Variants in CTBP2 observed in about 807,000 individuals in gnomAD.
The protein encoded by CTBP2 is C-terminal binding protein 2.
Under a neutral mutation model 80.3 loss-of-function variants are expected in CTBP2, and 30 were observed. The ratio of observed to expected loss-of-function variants is 0.37; its 90% CI spans 0.28 to 0.51. The LOEUF (loss-of-function observed/expected upper bound fraction) is 0.51. Ranked by LOEUF, CTBP2 falls within the 20% of genes least tolerant of loss-of-function variation. The pLI is 0.93. For synonymous variants in CTBP2, 594 were observed against 587.4 expected, an observed-to-expected ratio of 1.01 and a Z score of -0.16; for missense variants, 1,212 against 1,375.3, an observed-to-expected ratio of 0.88 and a Z score of 1.88.
chr10:125,019,702 A>G (rs1345949003), intron 1 of CTBP2, among the ~76,000 whole-genome samples: 1 of 152,254 alleles, frequency 6.6e-6, no homozygotes, highest in African/African-American at 2.4e-5. Flanking sequence ...TAAAACTAAC[A>G]TTCCTGGAGG....
intron 1 of CTBP2, chr10:125,133,709 T>C (rs1304073764): frequency 2.0e-5 from 3 of 152,340 alleles, no homozygotes; most frequent in South Asian, 4.1e-4. Context: ...GTCTAGTCTT[T>C]TGAAATGACT....
intron 1 of CTBP2, among the ~76,000 whole-genome samples, chr10:125,004,337 CG>C (rs1325385838): frequency 6.6e-6 from 1 of 152,252 alleles, no homozygotes; most frequent in Non-Finnish European, 1.5e-5. Flanking sequence ...AGACACCCTG[CG>C]GGGCCCGCCC....
chr10:124,994,673 C>T lies in CTBP2; in HGVS notation c.2196G>A (p.Gly732=). 1 of 1,614,206 alleles carries T rather than the reference C, an allele frequency of 6.2e-7. No homozygotes were observed. The highest frequency in any genetic ancestry group is 1.1e-5 in the South Asian group (1 of 91,086). The change falls in exon 5 of 9, where the codon GGG becomes GGA. Residue 732 remains glycine, a synonymous_variant. Coordinates refer to ENST00000309035, the MANE Select transcript of CTBP2 (RefSeq NM_022802.3). Reference sequence around the variant, plus strand: ...CCTTGGCTCGAACTGCAACCGCCTGCCCCGTGCGACCTGTACAGAAACAGA... The same window carrying T: ...CCTTGGCTCGAACTGCAACCGCCTGTCCCGTGCGACCTGTACAGAAACAGA...
chr10:125,079,611 C>T (rs548583848), intron 2 of CTBP2, among the ~76,000 whole-genome samples: 2 of 152,222 alleles, frequency 1.3e-5, no homozygotes, highest in South Asian at 2.1e-4. Context: ...AAGGGTGGGC[C>T]GAGCACTAGC....
rs534225630 is a variant in CTBP2 at position 125,108,635 on chromosome 10, C to T, written c.-102+2355G>A. Among the ~76,000 whole-genome samples, 9 of 149,940 alleles carry T rather than the reference C, an allele frequency of 6.0e-5. No homozygotes were observed. In the South Asian group the frequency reaches 1.9e-3, roughly 32 times the overall value. On this transcript the variant is annotated intron_variant, in intron 2 of 10. Coordinates refer to the CTBP2 transcript ENST00000337195. ...GAAAGGGTCTGAGAGCAAACACACG[C>T]CTTCTGGGGCCATGTGAGAATTCCA...
At chr10:125,077,491 G>A (rs1590596575) in intron 2 of CTBP2, among the ~76,000 whole-genome samples, 1 of 152,078 alleles carries the variant, frequency 6.6e-6, no homozygotes, top group African/African-American at 2.4e-5. Flanking sequence ...CAAACTCCCC[G>A]GGCTCGCAGA....
At chr10:125,093,125 T>C (rs1192904400) in intron 2 of CTBP2, among the ~76,000 whole-genome samples, 1 of 152,220 alleles carries the variant, frequency 6.6e-6, no homozygotes, top group African/African-American at 2.4e-5. Context: ...TGCTCAAGTA[T>C]CAGAAGCTGT....
intron 3 of CTBP2, 166 bp from the exon 6 acceptor site, chr10:124,998,336 GC>G (rs1953946713): frequency 5.8e-6 from 4 of 693,076 alleles, no homozygotes; most frequent in Non-Finnish European, 9.6e-6. Context: ...AGGCCCTCTG[GC>G]TCTGATGCAT....
intron 2 of CTBP2, among the ~76,000 whole-genome samples, chr10:125,048,046 G>A (rs749784629): frequency 5.3e-5 from 8 of 152,082 alleles, no homozygotes; most frequent in Non-Finnish European, 1.2e-4. Flanking sequence ...GAACCCAACT[G>A]GCCTTCTGAG....
chr10:125,072,455 A>C (rs1258322149), intron 2 of CTBP2, among the ~76,000 whole-genome samples: 2 of 152,018 alleles, frequency 1.3e-5, no homozygotes, highest in Non-Finnish European at 2.9e-5. Flanking sequence ...TCTCTACTAA[A>C]AACAAAAACA....
intron 1 of CTBP2, among the ~76,000 whole-genome samples, chr10:125,117,319 A>C (rs988939958): frequency 6.6e-6 from 1 of 152,142 alleles, no homozygotes; most frequent in Non-Finnish European, 1.5e-5. Flanking sequence ...ATCCCTGAGC[A>C]AACGGCAGTG....
At chr10:125,047,084 A>G (rs1184285961) in intron 2 of CTBP2, among the ~76,000 whole-genome samples, 1 of 152,228 alleles carries the variant, frequency 6.6e-6, no homozygotes, top group African/African-American at 2.4e-5. Context: ...CACACAGTTT[A>G]AAAGAACTTG....
chr10:125,143,543 T>C (rs904625757), intron 1 of CTBP2, among the ~76,000 whole-genome samples: 1 of 152,204 alleles, frequency 6.6e-6, no homozygotes. Flanking sequence ...TGAAACCCTA[T>C]GTCTAAAATA....
intron 2 of CTBP2, among the ~76,000 whole-genome samples, chr10:125,068,013 T>G (rs561751748): frequency 6.6e-6 from 1 of 152,242 alleles, no homozygotes; most frequent in South Asian, 2.1e-4. Flanking sequence ...TGCCCTCTGG[T>G]GCCAAGCAAC....
intron 2 of CTBP2, among the ~76,000 whole-genome samples, chr10:125,068,182 G>C (rs1844935875): frequency 6.6e-6 from 1 of 152,194 alleles, no homozygotes; most frequent in Admixed American, 6.5e-5. Flanking sequence ...AGCTGCACCA[G>C]AGTTCTGCCC....
intron 1 of CTBP2, among the ~76,000 whole-genome samples, chr10:125,115,751 T>A (rs1319087352): frequency 6.6e-6 from 1 of 152,166 alleles, no homozygotes; most frequent in Admixed American, 6.5e-5. Context: ...CATTGATGGT[T>A]AATGGTTAGG....
intron 2 of CTBP2, 110 bp downstream of exon 4, chr10:125,003,228 G>C (rs1954775855): frequency 1.9e-6 from 3 of 1,581,402 alleles, no homozygotes; most frequent in African/African-American, 2.7e-5. Context: ...GGAAAGCAGG[G>C]AACAGGGGTT....
At chr10:125,058,995 A>AC (rs944268881) in intron 2 of CTBP2, among the ~76,000 whole-genome samples, 1 of 152,204 alleles carries the variant, frequency 6.6e-6, no homozygotes, top group African/African-American at 2.4e-5. Flanking sequence ...CAGGCAGGTG[A>AC]CGAGGACCTT....
chr10:125,081,175 C>G (rs1257422544), intron 2 of CTBP2, among the ~76,000 whole-genome samples: 1 of 152,122 alleles, frequency 6.6e-6, no homozygotes, highest in African/African-American at 2.4e-5. Context: ...GAACTGAGGG[C>G]CATTCTACAA....
Sources: gnomAD v4.1 joint callset for allele counts (sites outside exome capture counted in the v4.1 genomes callset) on GRCh38, gnomAD v4.1.1 for gene constraint, MANE v1.5 for transcripts, NCBI Gene and HGNC (gene_info 2026-07-23, HGNC 2026-07-21) for gene names.